The following ARHGEF11 variants were observed in gnomAD, a reference collection of about 807,000 sequenced individuals.
The protein encoded by ARHGEF11 is Rho guanine nucleotide exchange factor 11, also known as Rho guanine exchange factor (GEF) 11.
ARHGEF11 carries 55 observed loss-of-function variants against 193.7 expected under a neutral mutation model. That is an observed-to-expected ratio of 0.28 (90% CI 0.23 to 0.36). The LOEUF (loss-of-function observed/expected upper bound fraction) is 0.36, where lower values mean the gene tolerates loss of function less well. ARHGEF11 is among the 10% of genes least tolerant of loss of function. The pLI is 1.00. For missense variants in ARHGEF11, 1,723 were observed against 2,005.6 expected, an observed-to-expected ratio of 0.86 and a Z score of 2.69; for synonymous variants, 693 against 768.0, an observed-to-expected ratio of 0.90 and a Z score of 1.62.
At position 156,962,878 on chromosome 1, in the gene ARHGEF11, CAAAAAAAAAAAAA is replaced by C. The variant is rs59159449; in HGVS notation, c.1140+312_1140+324del. Among the ~76,000 whole-genome samples, 114 of 21,286 alleles carry C rather than the reference CAAAAAAAAAAAAA, an allele frequency of 5.4e-3. 1 individual carries two copies. The East Asian group carries it at 0.081, about 15-fold the overall frequency. The allele number at this position is 21,286 out of a possible 152,430, so 14.0% of individuals were successfully genotyped here. Reference sequence around the variant, plus strand: ...TCGGCGACAGTGCGAGACTCCGTCTCAAAAAAAAAAAAAAAAAAAAAAAAAAAAAACTCTAGGA... The same window carrying C: ...TCGGCGACAGTGCGAGACTCCGTCTCAAAAAAAAAAAAAAAAACTCTAGGA... On this transcript the variant is annotated intron_variant, in intron 13 of 40. Coordinates refer to ENST00000368194, the MANE Select transcript of ARHGEF11 (RefSeq NM_198236.3).
At chr1:157,014,779 C>G (rs1489483562) in intron 1 of ARHGEF11, among the ~76,000 whole-genome samples, 1 of 152,190 alleles carries the variant, frequency 6.6e-6, no homozygotes, top group Non-Finnish European at 1.5e-5. Context: ...TTTTCCAGAT[C>G]TCATCTCACT....
intron 1 of ARHGEF11, among the ~76,000 whole-genome samples, chr1:156,991,992 A>G (rs1292008998): frequency 2.0e-5 from 3 of 152,142 alleles, no homozygotes; most frequent in African/African-American, 7.2e-5. Context: ...CTGGGATTAC[A>G]GGCGTGAGCC....
rs770028244 is a variant in ARHGEF11 at position 156,984,352 on chromosome 1, C to A, written c.210G>T (p.Gln70His). 1 of 1,590,166 alleles carries A rather than the reference C, an allele frequency of 6.3e-7. No individual in the cohort carries two copies. Among genetic ancestry groups the A allele is most frequent in the South Asian group, 1.1e-5 (1 of 87,160 alleles). ...TGCAGCACTCACCAGGCCGCACAGACTGCACCAGAACAATGCGATCCCCAC... is the reference window on the plus strand; with the variant it reads ...TGCAGCACTCACCAGGCCGCACAGAATGCACCAGAACAATGCGATCCCCAC... ...TVSGDRIVLVQSVRPGGAAMK... is the reference protein window; with the variant it reads ...TVSGDRIVLVHSVRPGGAAMK... The change falls in exon 3 of 41, where the codon CAG becomes CAT. Residue 70 changes from glutamine to histidine, a missense_variant. By Grantham distance (24) the Gln-to-His change is conservative. Around this residue, in one of 5 missense-constraint regions of ARHGEF11, gnomAD observed 646 missense variants for 710.7 expected, o/e 0.91. Coordinates refer to ENST00000368194, the MANE Select transcript of ARHGEF11 (RefSeq NM_198236.3).
At chr1:156,996,754 C>T (rs1329191015) in intron 1 of ARHGEF11, among the ~76,000 whole-genome samples, 1 of 108,310 alleles carries the variant, frequency 9.2e-6, no homozygotes, top group African/African-American at 3.8e-5. Context: ...TCCTGGGCGA[C>T]AGAGCGAGAC....
intron 33 of ARHGEF11, 106 bp from the exon 34 acceptor site, chr1:156,942,095 T>C: frequency 1.3e-6 from 2 of 1,555,860 alleles, no homozygotes; most frequent in Non-Finnish European, 1.8e-6. Flanking sequence ...CTAAGAACCC[T>C]CTGCCTGGCA....
intron 1 of ARHGEF11, among the ~76,000 whole-genome samples, chr1:157,016,322 C>T (rs1669226482): frequency 6.6e-6 from 1 of 152,070 alleles, no homozygotes; most frequent in Admixed American, 6.6e-5. Flanking sequence ...CAGATTTAAG[C>T]GATTCTCCTG....
chr1:157,008,383 G>C (rs936693756), intron 1 of ARHGEF11, among the ~76,000 whole-genome samples: 2 of 137,950 alleles, frequency 1.4e-5, no homozygotes, highest in Non-Finnish European at 3.1e-5. Context: ...TCTAAGAAGA[G>C]ACATCAGGAA....
chr1:157,016,613 T>C (rs551754002), intron 1 of ARHGEF11, among the ~76,000 whole-genome samples: 29 of 152,344 alleles, frequency 1.9e-4, no homozygotes, highest in African/African-American at 6.0e-4. Flanking sequence ...GTGACTGTAT[T>C]TTTAAGCGTT....
At position 156,941,404 on chromosome 1, in the gene ARHGEF11, T is replaced by G; in HGVS notation, c.3482A>C (p.His1161Pro). 1 of 1,613,590 alleles carries G rather than the reference T, an allele frequency of 6.2e-7. No individual in the cohort carries two copies. The highest frequency in any genetic ancestry group is 8.5e-7 in the Non-Finnish European group (1 of 1,179,702). ...RVELDDSDVF[H>P]GEPEPEELPG... ...CAGCTCCTCAGGTTCAGGTTCACCA[T>G]GGAACACGTCTGAGTCATCCAGTTC... is the stretch of plus-strand genomic sequence containing the variant. Residue 1161 changes from histidine to proline, a missense_variant, in exon 35 of 41, where the codon CAT becomes CCT. By Grantham distance (77) the His-to-Pro change is moderately conservative (BLOSUM62 -2). Around this residue, in one of 5 missense-constraint regions of ARHGEF11, gnomAD observed 203 missense variants for 237.3 expected, o/e 0.86. Transcript: ENST00000368194.
intron 1 of ARHGEF11, among the ~76,000 whole-genome samples, chr1:157,014,772 T>C (rs1237261741): frequency 6.6e-6 from 1 of 152,196 alleles, no homozygotes; most frequent in Non-Finnish European, 1.5e-5. Context: ...CATTTTCTTT[T>C]CCAGATCTCA....
At chr1:156,967,965 AG>A in intron 11 of ARHGEF11, 21 bp downstream of exon 11, 1 of 1,613,534 alleles carries the variant, frequency 6.2e-7, no homozygotes, top group South Asian at 1.1e-5. Flanking sequence ...GGAAAACTGC[AG>A]GGTGGCTCCA....
At chr1:156,955,656 G>T in intron 20 of ARHGEF11, 47 bp downstream of exon 20, 1 of 1,460,846 alleles carries the variant, frequency 6.8e-7, no homozygotes, top group Non-Finnish European at 9.6e-7. Flanking sequence ...AAGGGCTGAG[G>T]TCCCTGCCCA....
chr1:157,012,130 T>C (rs573386767), intron 1 of ARHGEF11, among the ~76,000 whole-genome samples: 1 of 152,170 alleles, frequency 6.6e-6, no homozygotes, highest in African/African-American at 2.4e-5. Context: ...ATCCACACAA[T>C]AACATATTAA....
chr1:157,002,421 T>C (rs559657081), intron 1 of ARHGEF11, among the ~76,000 whole-genome samples: 1 of 152,290 alleles, frequency 6.6e-6, no homozygotes, highest in African/African-American at 2.4e-5. Flanking sequence ...CAAACTCTAG[T>C]GCTCCAAACA....
chr1:156,965,461 C>T (rs1401821593), intron 11 of ARHGEF11, among the ~76,000 whole-genome samples: 2 of 152,150 alleles, frequency 1.3e-5, no homozygotes, highest in South Asian at 2.1e-4. Flanking sequence ...TTAGACCACA[C>T]GAAGATTCTA....
Position 156,936,497 on chromosome 1 carries a change from A to AATAT in ARHGEF11, c.4630+315_4630+318dup, listed in dbSNP as rs1553192804. ...AATAAATAGAAAAAAAAAAAAAAAA[A>AATAT]ATATATATATATATATATATATATA... On this transcript the variant is annotated intron_variant, in intron 40 of 40. Transcript: ENST00000368194. 6.7e-3 allele frequency among the ~76,000 whole-genome samples: 227 copies of AATAT among 33,928 alleles called. 1 individual carries two copies. Among genetic ancestry groups the AATAT allele is most frequent in the Admixed American group, 7.4e-3 (16 of 2,164 alleles). The allele number at this position is 33,928 out of a possible 152,430, so 22.3% of individuals were successfully genotyped here. A position where few individuals can be genotyped will look rare whatever the true frequency, so the allele number is the denominator to read the frequency against.
rs558233095 is a variant in ARHGEF11 at position 157,045,266 on chromosome 1, T to C, written c.-936A>G. ...CTCAGACCCAGCCTACGTTCGGCCT[T>C]TTTCTGAAAGACAATTTCCTGAGTT... is the stretch of plus-strand genomic sequence containing the variant. On this transcript the variant is annotated 5_prime_UTR_variant, in exon 1 of 41. Coordinates refer to ENST00000368194, the MANE Select transcript of ARHGEF11 (RefSeq NM_198236.3). 1.3e-5 allele frequency: 2 copies of C among 152,324 alleles called. No individual in the cohort carries two copies. Among genetic ancestry groups the C allele is most frequent in the South Asian group, 4.1e-4 (2 of 4,826 alleles). The allele number at this position is 152,324 out of a possible 1,614,324, so 9.4% of individuals were successfully genotyped here.
intron 39 of ARHGEF11, 35 bp from the exon 40 acceptor site, chr1:156,937,040 C>G (rs1178198595): frequency 6.2e-7 from 1 of 1,601,966 alleles, no homozygotes; most frequent in Non-Finnish European, 8.5e-7. Flanking sequence ...CTGCTCGAGT[C>G]CTTCTATTCC....
intron 2 of ARHGEF11, among the ~76,000 whole-genome samples, chr1:156,985,042 TAAAAAAC>T (rs934188763): frequency 6.6e-6 from 1 of 151,440 alleles, no homozygotes; most frequent in Non-Finnish European, 1.5e-5. Context: ...AATACAGAAT[TAAAAAAC>T]AAAAAGAAAC....
Sources: allele counts gnomAD v4.1 joint callset (sites outside exome capture counted in the v4.1 genomes callset), GRCh38; gene constraint gnomAD v4.1.1; regional missense constraint gnomAD v4.1.1; transcripts MANE v1.5; gene names NCBI Gene and HGNC (gene_info 2026-07-23, HGNC 2026-07-21).